The following FAF1 variants were observed in gnomAD, a reference collection of about 807,000 sequenced individuals.
FAF1 encodes the protein Fas associated factor 1.
FAF1 carries 25 observed loss-of-function variants against 92.5 expected under a neutral mutation model. That is an observed-to-expected ratio of 0.27 (90% CI 0.20 to 0.38). FAF1 has a LOEUF of 0.38. FAF1 is among the 10% of genes least tolerant of loss of function. The pLI is 1.00. For synonymous variants in FAF1, 234 were observed against 273.2 expected, an observed-to-expected ratio of 0.86 and a Z score of 1.42; for missense variants, 636 against 793.3, an observed-to-expected ratio of 0.80 and a Z score of 2.38.
At chr1:50,666,574 A>C (rs990869197) in intron 7 of FAF1, among the ~76,000 whole-genome samples, 2 of 152,132 alleles carry the variant, frequency 1.3e-5, no homozygotes, top group Non-Finnish European at 2.9e-5. Flanking sequence ...TTAATTCTAA[A>C]CAGTGGTCAT....
Position 50,655,484 on chromosome 1 carries a change from G to T in FAF1, c.702C>A (p.His234Gln), listed in dbSNP as rs763259918. ...AAGTTGGCCAGCCCTCCCATAATTG[G>T]TGGCGAACGGGGATACTTGTAAGGT... is the stretch of plus-strand genomic sequence containing the variant. ...VYDLTSIPVR[H>Q]QLWEGWPTSA... The change falls in exon 8 of 19, where the codon CAC (histidine) becomes CAA (glutamine). Residue 234 changes from histidine (H) to glutamine (Q), a missense_variant. Physicochemically the swap from His to Gln is conservative, Grantham distance 24. This residue lies in a region of FAF1 where 317 missense variants were observed against 342.4 expected (regional missense o/e 0.93). Coordinates refer to ENST00000396153, the MANE Select transcript of FAF1 (RefSeq NM_007051.3). 1 of 1,613,746 alleles carries T rather than the reference G, an allele frequency of 6.2e-7. No homozygotes were observed.
chr1:50,605,565 CTT>C (rs890904577), intron 8 of FAF1, among the ~76,000 whole-genome samples: 2 of 146,034 alleles, frequency 1.4e-5, no homozygotes, highest in African/African-American at 5.0e-5. Flanking sequence ...TCAAAGTCAA[CTT>C]TTTTTTTTTT....
chr1:50,938,186 T>C (rs932930711), intron 1 of FAF1, among the ~76,000 whole-genome samples: 1 of 152,214 alleles, frequency 6.6e-6, no homozygotes, highest in Non-Finnish European at 1.5e-5. Context: ...CTGACATTAC[T>C]ATAGCAATTG....
At chr1:50,457,724 C>CAAAAAAA (rs35479561) in intron 18 of FAF1, among the ~76,000 whole-genome samples, 15 of 56,550 alleles carry the variant, frequency 2.7e-4, no homozygotes, top group South Asian at 1.3e-3. Flanking sequence ...CCCATCTCTG[C>CAAAAAAA]AAAAAAAAAA....
At chr1:50,635,993 G>C (rs1273376016) in intron 8 of FAF1, among the ~76,000 whole-genome samples, 1 of 152,128 alleles carries the variant, frequency 6.6e-6, no homozygotes. Flanking sequence ...TTTAAAACTG[G>C]AACTGTTCTG....
chr1:50,775,921 G>A (rs1234033616), intron 4 of FAF1, among the ~76,000 whole-genome samples: 2 of 152,128 alleles, frequency 1.3e-5, no homozygotes, highest in East Asian at 1.9e-4. Flanking sequence ...AACAGAGAAA[G>A]TATATAACAT....
intron 18 of FAF1, among the ~76,000 whole-genome samples, chr1:50,459,519 G>C (rs1384328837): frequency 1.3e-5 from 2 of 152,008 alleles, no homozygotes; most frequent in African/African-American, 2.4e-5. Flanking sequence ...CATCTTTTTA[G>C]TTGTTCAGGC....
At chr1:50,758,851 T>G (rs1225199395) in intron 4 of FAF1, among the ~76,000 whole-genome samples, 2 of 152,162 alleles carry the variant, frequency 1.3e-5, no homozygotes, top group Non-Finnish European at 2.9e-5. Flanking sequence ...ATTATTATTG[T>G]TATTATTTTG....
Position 50,630,836 on chromosome 1 carries a change from T to TC in FAF1, c.744+24605_744+24606insG, listed in dbSNP as rs1183599333. 1.0e-4 allele frequency among the ~76,000 whole-genome samples: 15 copies of TC among 145,284 alleles called. No individual in the cohort carries two copies. In the East Asian group the frequency reaches 2.9e-3, roughly 28 times the overall value. ...TATCTAGTGTATCATATCTTTTTTTTTTTTTTTTTTTTTTGAGAGTCTCAC... is the reference window on the plus strand; with the variant it reads ...TATCTAGTGTATCATATCTTTTTTTTCTTTTTTTTTTTTTTGAGAGTCTCAC... On this transcript the variant is annotated intron_variant, in intron 8 of 18. Transcript: ENST00000396153.
At chr1:50,897,234 G>T (rs1644765051) in intron 1 of FAF1, among the ~76,000 whole-genome samples, 3 of 152,136 alleles carry the variant, frequency 2.0e-5, no homozygotes, top group Admixed American at 1.3e-4. Flanking sequence ...TGTCATCTAT[G>T]AATAACTCCC....
intron 1 of FAF1, among the ~76,000 whole-genome samples, chr1:50,865,328 C>T (rs1463565265): frequency 1.3e-5 from 2 of 151,374 alleles, no homozygotes; most frequent in Admixed American, 6.6e-5. Context: ...CCCAGCCATC[C>T]CATTACTGGG....
At chr1:50,728,665 C>T (rs1266770299) in intron 6 of FAF1, among the ~76,000 whole-genome samples, 1 of 151,914 alleles carries the variant, frequency 6.6e-6, no homozygotes, top group East Asian at 1.9e-4. Flanking sequence ...GTGGCACATA[C>T]CTGTAATCCC....
chr1:50,813,198 C>T (rs1276188020), intron 2 of FAF1, among the ~76,000 whole-genome samples: 1 of 151,536 alleles, frequency 6.6e-6, no homozygotes, highest in East Asian at 1.9e-4. Context: ...TGCACATGTA[C>T]TCTTGAATGT....
At chr1:50,549,307 T>C (rs1649178017) in intron 13 of FAF1, among the ~76,000 whole-genome samples, 1 of 152,142 alleles carries the variant, frequency 6.6e-6, no homozygotes, top group Admixed American at 6.5e-5. Context: ...CTTTGTTTTT[T>C]GTTTTGGATT....
At chr1:50,876,503 T>C (rs1644572808) in intron 1 of FAF1, among the ~76,000 whole-genome samples, 1 of 152,160 alleles carries the variant, frequency 6.6e-6, no homozygotes, top group Non-Finnish European at 1.5e-5. Flanking sequence ...CGTACACTAA[T>C]GATGGGGATA....
chr1:50,523,581 A>T (rs1647622898), intron 15 of FAF1, among the ~76,000 whole-genome samples: 2 of 152,142 alleles, frequency 1.3e-5, no homozygotes, highest in African/African-American at 4.8e-5. Flanking sequence ...TGTCTATTCA[A>T]GTCTTTTGCC....
At chr1:50,827,872 G>A (rs180711063) in intron 2 of FAF1, among the ~76,000 whole-genome samples, 1 of 152,200 alleles carries the variant, frequency 6.6e-6, no homozygotes, top group Admixed American at 6.5e-5. Flanking sequence ...TCAATAAATG[G>A]AAGGATATTC....
At chr1:50,834,666 C>T (rs1271738411) in intron 2 of FAF1, among the ~76,000 whole-genome samples, 1 of 152,146 alleles carries the variant, frequency 6.6e-6, no homozygotes, top group Non-Finnish European at 1.5e-5. Flanking sequence ...TCACAACAAC[C>T]TCTATGGAAA....
At chr1:50,529,813 T>C (rs1648044928) in intron 15 of FAF1, among the ~76,000 whole-genome samples, 1 of 152,162 alleles carries the variant, frequency 6.6e-6, no homozygotes, top group African/African-American at 2.4e-5. Flanking sequence ...ACAGCTGTGT[T>C]CTTAGGCCCT....
Sources: gnomAD v4.1 joint callset for allele counts (sites outside exome capture counted in the v4.1 genomes callset) on GRCh38, gnomAD v4.1.1 for gene constraint, gnomAD v4.1.1 regional missense constraint, MANE v1.5 for transcripts, NCBI Gene and HGNC (gene_info 2026-07-23, HGNC 2026-07-21) for gene names.